Variants in TMPRSS6 observed in about 807,000 individuals in gnomAD.
TMPRSS6 encodes transmembrane serine protease 6.
In TMPRSS6, 67 loss-of-function variants were observed where a neutral mutation model predicts 101.5. That is an observed-to-expected ratio of 0.66 (90% CI 0.54 to 0.81). The LOEUF (loss-of-function observed/expected upper bound fraction) is 0.81. Among genes scored for constraint, TMPRSS6 ranks in the 30% least tolerant of loss-of-function variants. TMPRSS6 has a pLI of 0.00. For missense variants in TMPRSS6, 1,034 were observed against 1,088.7 expected (o/e 0.95, Z 0.71); for synonymous variants, 453 against 464.9 (o/e 0.97, Z 0.33).
At position 37,105,451 on chromosome 22, in the gene TMPRSS6, G is replaced by A. The variant is rs187559137; in HGVS notation, c.-1-2033C>T. ...ACAGGCAAGAAACAGACCAGTAACAGGGTGCTGAGACTCTTGCATGAGGCC... is the reference window on the plus strand; with the variant it reads ...ACAGGCAAGAAACAGACCAGTAACAAGGTGCTGAGACTCTTGCATGAGGCC... On this transcript the variant is annotated intron_variant, in intron 1 of 17. Coordinates refer to ENST00000676104, the MANE Select transcript of TMPRSS6 (RefSeq NM_001374504.1). 5.3e-3 allele frequency among the ~76,000 whole-genome samples: 807 copies of A among 152,338 alleles called. 14 individuals are homozygous for A. The highest frequency in any genetic ancestry group is 0.049 in the Admixed American group (749 of 15,302).
At chr22:37,092,805 A>T (rs900432799) in intron 6 of TMPRSS6, among the ~76,000 whole-genome samples, 13 of 152,198 alleles carry the variant, frequency 8.5e-5, no homozygotes, top group African/African-American at 3.1e-4. Flanking sequence ...CCATGCCCAA[A>T]TCTGATGCCC....
At chr22:37,077,565 T>C (rs983664037) in intron 10 of TMPRSS6, among the ~76,000 whole-genome samples, 2 of 152,230 alleles carry the variant, frequency 1.3e-5, no homozygotes, top group African/African-American at 4.8e-5. Flanking sequence ...TTCCAGAGAC[T>C]GATGTGTGAC....
chr22:37,091,001 C>T (rs1052271590), intron 6 of TMPRSS6, among the ~76,000 whole-genome samples: 1 of 152,156 alleles, frequency 6.6e-6, no homozygotes, highest in African/African-American at 2.4e-5. Flanking sequence ...ACCCCCCTAC[C>T]CCACACACCA....
chr22:37,075,752 A>C (rs1172931685), intron 10 of TMPRSS6, among the ~76,000 whole-genome samples: 1 of 152,116 alleles, frequency 6.6e-6, no homozygotes, highest in African/African-American at 2.4e-5. Context: ...AAAATACAAA[A>C]TTAGCCAGGC....
At chr22:37,090,138 G>T (rs948271043) in intron 6 of TMPRSS6, among the ~76,000 whole-genome samples, 1 of 152,232 alleles carries the variant, frequency 6.6e-6, no homozygotes, top group Admixed American at 6.5e-5. Flanking sequence ...AACCCGGCCT[G>T]TGGGCTGGGG....
intron 16 of TMPRSS6, chr22:37,068,533 G>A: frequency 1.3e-6 from 1 of 770,652 alleles, no homozygotes; most frequent in Non-Finnish European, 2.4e-6. Context: ...TCTGAGAGCA[G>A]TAGCAGGAAG....
intron 13 of TMPRSS6, among the ~76,000 whole-genome samples, chr22:37,072,280 G>C (rs1927053577): frequency 7.2e-6 from 1 of 138,718 alleles, no homozygotes; most frequent in Admixed American, 7.0e-5. Context: ...TGGTTGCATG[G>C]ATGGATGGAT....
At chr22:37,095,784 T>C in intron 5 of TMPRSS6, 122 bp downstream of exon 5, 1 of 1,368,634 alleles carries the variant, frequency 7.3e-7, no homozygotes, top group Non-Finnish European at 1.0e-6. Context: ...CCTGGGGGGC[T>C]CTCCTGGGGG....
At chr22:37,094,428 T>TAGATAGATAGATAGAG (rs1555891517) in intron 6 of TMPRSS6, among the ~76,000 whole-genome samples, 19 of 136,218 alleles carry the variant, frequency 1.4e-4, no homozygotes, top group South Asian at 4.6e-4. Flanking sequence ...GATAGATAGA[T>TAGATAGATAGATAGAG]ATAAACAGAC....
In TMPRSS6 at chr22:37,074,800, C is replaced by T. The variant is rs1927469663; in HGVS notation, c.1343-92G>A. On this transcript the variant is annotated intron_variant, in intron 11 of 17. Coordinates refer to ENST00000676104, the MANE Select transcript of TMPRSS6 (RefSeq NM_001374504.1). ...GCACAAAGACACGCATGCACCTGTT[C>T]ACTCACACGCGCATGGACAGGCACC... 10 of 1,331,278 alleles carry T rather than the reference C, an allele frequency of 7.5e-6. No homozygotes were observed. In the Admixed American group the frequency reaches 1.9e-4, roughly 25 times the overall value. The allele number at this position is 1,331,278 out of a possible 1,614,324, so 82.5% of individuals were successfully genotyped here.
chr22:37,070,770 GGA>G, intron 14 of TMPRSS6, 118 bp from the exon 15 acceptor site: 1 of 1,331,720 alleles, frequency 7.5e-7, no homozygotes, highest in Non-Finnish European at 1.1e-6. Flanking sequence ...TGATGGAGGG[GGA>G]GAGACCATCA....
At chr22:37,090,328 C>A (rs969871387) in intron 6 of TMPRSS6, among the ~76,000 whole-genome samples, 1 of 152,200 alleles carries the variant, frequency 6.6e-6, no homozygotes, top group African/African-American at 2.4e-5. Context: ...GAAGGTTGGG[C>A]AAGGCTGGAC....
At position 37,065,736 on chromosome 22, in the gene TMPRSS6, C is replaced by G; in HGVS notation, c.*344G>C. ...CCTCTGTACAGAGTGGGGCGCACCTCAGACACTCCTCGGGATGTAGAACCA... is the reference window on the plus strand; with the variant it reads ...CCTCTGTACAGAGTGGGGCGCACCTGAGACACTCCTCGGGATGTAGAACCA... On this transcript the variant is annotated 3_prime_UTR_variant, in exon 18 of 18. Transcript: ENST00000676104. The G allele has an allele frequency of 2.7e-6, 1 of 371,668 alleles. No individual in the cohort carries two copies. The highest frequency in any genetic ancestry group is 2.6e-5 in the South Asian group (1 of 38,494). The allele number at this position is 371,668 out of a possible 1,614,324, so 23.0% of individuals were successfully genotyped here. A position where few individuals can be genotyped will look rare whatever the true frequency, so the allele number is the denominator to read the frequency against.
chr22:37,089,552 T>TCCCCCCCTC, intron 7 of TMPRSS6, 26 bp downstream of exon 7: 3 of 938,144 alleles, frequency 3.2e-6, no homozygotes, highest in South Asian at 1.4e-5. Context: ...CAGCCCTCCC[T>TCCCCCCCTC]CCTGCCCTCC....
chr22:37,095,798 C>T, intron 5 of TMPRSS6, 108 bp downstream of exon 5: 5 of 1,456,482 alleles, frequency 3.4e-6, no homozygotes, highest in East Asian at 4.6e-5. Flanking sequence ...CTGGGGGGCC[C>T]ACCCTGACAG....
At chr22:37,074,571 T>C (rs370678539) in intron 12 of TMPRSS6, 39 bp downstream of exon 12, 2 of 1,584,824 alleles carry the variant, frequency 1.3e-6, no homozygotes, top group East Asian at 2.2e-5. Flanking sequence ...GGAGAAGGGA[T>C]GGGCAGGGAG....
Position 37,066,848 on chromosome 22 carries a change from T to A in TMPRSS6, c.2228A>T (p.Lys743Met). The A allele has an allele frequency of 6.2e-7, 1 of 1,614,192 alleles. No homozygotes were observed. The highest frequency in any genetic ancestry group is 1.7e-5 in the Admixed American group (1 of 60,028). The change falls in exon 17 of 18, where the codon AAG becomes ATG. Residue 743 changes from lysine to methionine, a missense_variant. Transcript: ENST00000676104. Reference sequence around the variant, plus strand: ...CACCTGACAGGCATCCTTCTTGCCCTTGCGGTAGCCGGCACACAGCATGCG... The same window carrying A: ...CACCTGACAGGCATCCTTCTTGCCCATGCGGTAGCCGGCACACAGCATGCG... ...TPRMLCAGYR[K>M]GKKDACQGDS...
Position 37,084,569 on chromosome 22 carries a change from G to T in TMPRSS6, c.1086+158C>A, listed in dbSNP as rs188110925. 7.6e-4 allele frequency among the ~76,000 whole-genome samples: 115 copies of T among 152,274 alleles called. 1 individual carries two copies. The highest frequency in any genetic ancestry group is 6.8e-3 in the Middle Eastern group (2 of 294). On this transcript the variant is annotated intron_variant, in intron 9 of 17. Coordinates refer to ENST00000676104, the MANE Select transcript of TMPRSS6 (RefSeq NM_001374504.1). ...GCTGTGACCCACAGAGGGAGACCTCGCCCACAGCCCTCTCCACCCTGGCAG... is the reference window on the plus strand; with the variant it reads ...GCTGTGACCCACAGAGGGAGACCTCTCCCACAGCCCTCTCCACCCTGGCAG...
intron 10 of TMPRSS6, among the ~76,000 whole-genome samples, chr22:37,079,088 C>G (rs1255446272): frequency 4.6e-5 from 7 of 152,196 alleles, no homozygotes; most frequent in Non-Finnish European, 5.9e-5. Context: ...TAGACTCTAG[C>G]CCTGGCCTGG....
Sources: allele counts gnomAD v4.1 joint callset (sites outside exome capture counted in the v4.1 genomes callset), GRCh38; gene constraint gnomAD v4.1.1; transcripts MANE v1.5; gene names NCBI Gene and HGNC (gene_info 2026-07-23, HGNC 2026-07-21).